The following CTIF variants were observed in gnomAD, a reference collection of about 807,000 sequenced individuals.
The protein encoded by CTIF is CBP80/20-dependent translation initiation factor.
In CTIF, 21 loss-of-function variants were observed where a neutral mutation model predicts 66.0. The observed-to-expected ratio is 0.32, with a 90% CI of 0.23 to 0.46. CTIF has a LOEUF of 0.46. CTIF is among the 20% of genes least tolerant of loss of function. CTIF has a pLI of 1.00. For synonymous variants in CTIF, 345 were observed against 326.4 expected, an observed-to-expected ratio of 1.06 and a Z score of -0.62; for missense variants, 739 against 812.7, an observed-to-expected ratio of 0.91 and a Z score of 1.10.
rs80146241 is a variant in CTIF at position 48,695,312 on chromosome 18, C to A, written c.508-16307C>A. On this transcript the variant is annotated intron_variant, in intron 6 of 11. Coordinates refer to ENST00000256413, the MANE Select transcript of CTIF (RefSeq NM_014772.3). ...TTCATTTGTTCACTCCATCAATCAG[C>A]ATTTGTTGAGTACCTGCTATGTGAC... Among the ~76,000 whole-genome samples the A allele has an allele frequency of 1.4e-3, 207 of 152,340 alleles. 3 individuals carry two copies. In the East Asian group the frequency reaches 0.039, roughly 29 times the overall value.
chr18:48,549,431 G>T (rs1452882796), intron 1 of CTIF, among the ~76,000 whole-genome samples: 2 of 152,104 alleles, frequency 1.3e-5, no homozygotes, highest in African/African-American at 4.8e-5. Flanking sequence ...TTAAAAACAA[G>T]GTGTTTCAAC....
intron 2 of CTIF, among the ~76,000 whole-genome samples, chr18:48,630,878 C>T (rs1329570990): frequency 3.3e-5 from 5 of 151,784 alleles, no homozygotes; most frequent in South Asian, 2.1e-4. Context: ...GGGGTTTCAC[C>T]GTGTTAGCCA....
chr18:48,816,374 C>G (rs1203798223), intron 9 of CTIF, among the ~76,000 whole-genome samples: 1 of 152,196 alleles, frequency 6.6e-6, no homozygotes, highest in Non-Finnish European at 1.5e-5. Flanking sequence ...TATCTTTCAG[C>G]TCTCAGAGCG....
At chr18:48,815,800 T>C (rs1054489627) in intron 9 of CTIF, among the ~76,000 whole-genome samples, 1 of 152,210 alleles carries the variant, frequency 6.6e-6, no homozygotes, top group Admixed American at 6.5e-5. Context: ...AGCAGTGGTG[T>C]GGGGGACTGG....
At chr18:48,833,415 G>A (rs572318862) in intron 10 of CTIF, among the ~76,000 whole-genome samples, 4 of 150,956 alleles carry the variant, frequency 2.6e-5, no homozygotes, top group South Asian at 2.1e-4. Context: ...GTGTGGGCTC[G>A]GAGGTCCTGC....
chr18:48,630,459 A>G (rs1215863317), intron 2 of CTIF, among the ~76,000 whole-genome samples: 4 of 152,190 alleles, frequency 2.6e-5, no homozygotes, highest in Non-Finnish European at 4.4e-5. Flanking sequence ...AGTGCAAGGC[A>G]GATATCTAAG....
At chr18:48,621,610 G>A (rs765052903) in intron 2 of CTIF, 1 of 358,328 alleles carries the variant, frequency 2.8e-6, no homozygotes, top group South Asian at 2.0e-5. Context: ...AGTGGGATGG[G>A]GAGACTGCCT....
intron 9 of CTIF, among the ~76,000 whole-genome samples, chr18:48,785,161 C>T (rs189585670): frequency 5.9e-4 from 90 of 152,326 alleles, no homozygotes; most frequent in African/African-American, 2.2e-3. Flanking sequence ...TTCCTTCCTT[C>T]CTTCCTCTCT....
At chr18:48,651,186 A>G (rs188026568) in intron 3 of CTIF, among the ~76,000 whole-genome samples, 39 of 152,366 alleles carry the variant, frequency 2.6e-4, no homozygotes, top group African/African-American at 3.6e-4. Flanking sequence ...CCCAATTAAA[A>G]GACACAGACT....
chr18:48,676,640 G>C (rs1414834869), intron 6 of CTIF, among the ~76,000 whole-genome samples: 2 of 152,038 alleles, frequency 1.3e-5, no homozygotes, highest in Non-Finnish European at 2.9e-5. Flanking sequence ...TCTGGCCTTA[G>C]GGATGTGCCC....
chr18:48,552,924 C>T (rs371828991), intron 1 of CTIF, among the ~76,000 whole-genome samples: 7 of 152,158 alleles, frequency 4.6e-5, no homozygotes, highest in African/African-American at 1.7e-4. Context: ...GCTTTGTCCT[C>T]GGTGACCTCA....
At chr18:48,752,495 C>A (rs577647826) in intron 7 of CTIF, among the ~76,000 whole-genome samples, 20 of 151,078 alleles carry the variant, frequency 1.3e-4, no homozygotes, top group African/African-American at 3.9e-4. Flanking sequence ...AAACACAAAT[C>A]TGAGTTCCAG....
chr18:48,768,755 A>G (rs1909823663), intron 9 of CTIF, among the ~76,000 whole-genome samples: 1 of 152,004 alleles, frequency 6.6e-6, no homozygotes, highest in Non-Finnish European at 1.5e-5. Flanking sequence ...GAAAAAAAAA[A>G]TAGGCAGGTG....
intron 2 of CTIF, among the ~76,000 whole-genome samples, chr18:48,630,225 A>G (rs2090677768): frequency 6.7e-6 from 1 of 148,642 alleles, no homozygotes; most frequent in South Asian, 2.2e-4. Context: ...GATCACAAAC[A>G]GATGTAGGGC....
At chr18:48,557,554 T>G (rs549368479) in intron 1 of CTIF, among the ~76,000 whole-genome samples, 1 of 152,346 alleles carries the variant, frequency 6.6e-6, no homozygotes, top group African/African-American at 2.4e-5. Flanking sequence ...GCTGGAAACT[T>G]AAGAGAACCA....
chr18:48,649,130 G>GC (rs902462247), intron 3 of CTIF, among the ~76,000 whole-genome samples: 1 of 152,160 alleles, frequency 6.6e-6, no homozygotes, highest in Non-Finnish European at 1.5e-5. Flanking sequence ...CCCACAGAAG[G>GC]CAAGCTGAAG....
chr18:48,634,603 C>T (rs1300588989), intron 2 of CTIF, among the ~76,000 whole-genome samples: 1 of 152,208 alleles, frequency 6.6e-6, no homozygotes, highest in Non-Finnish European at 1.5e-5. Context: ...CCAGGCACTG[C>T]TGGTAATGCT....
intron 1 of CTIF, among the ~76,000 whole-genome samples, chr18:48,582,881 C>T (rs184304142): frequency 1.9e-3 from 295 of 152,282 alleles, no homozygotes; most frequent in African/African-American, 6.9e-3. Context: ...GGACTGAACC[C>T]CCAGCACATG....
chr18:48,635,788 G>A (rs1168226248), intron 2 of CTIF, among the ~76,000 whole-genome samples: 2 of 152,214 alleles, frequency 1.3e-5, no homozygotes, highest in East Asian at 1.9e-4. Flanking sequence ...TATCTATACA[G>A]TGTTTTTATA....
Sources: allele counts gnomAD v4.1 joint callset (sites outside exome capture counted in the v4.1 genomes callset), GRCh38; gene constraint gnomAD v4.1.1; transcripts MANE v1.5; gene names NCBI Gene and HGNC (gene_info 2026-07-23, HGNC 2026-07-21).